The following CEP250 variants were observed in gnomAD, a reference collection of about 807,000 sequenced individuals.
CEP250 encodes centrosomal protein 250, also known as centrosome-associated protein CEP250.
Under a neutral mutation model 315.7 loss-of-function variants are expected in CEP250, and 242 were observed. The observed-to-expected ratio is 0.77, with a 90% CI of 0.69 to 0.85. The LOEUF (loss-of-function observed/expected upper bound fraction) is 0.85. Among genes scored for constraint, CEP250 ranks in the 40% least tolerant of loss-of-function variants. The pLI is 0.00. For synonymous variants in CEP250, 1,088 were observed against 1,175.0 expected, an observed-to-expected ratio of 0.93 and a Z score of 1.51; for missense variants, 2,515 against 2,886.4, an observed-to-expected ratio of 0.87 and a Z score of 2.95.
rs1459747126 is a variant in CEP250 at position 35,516,922 on chromosome 20, C to T, written c.*5296C>T. The T allele has an allele frequency of 1.2e-5, 11 of 952,236 alleles. No homozygotes were observed. Among genetic ancestry groups the T allele is most frequent in the Non-Finnish European group, 1.4e-5 (11 of 799,728 alleles). The allele number at this position is 952,236 out of a possible 1,614,324, so 59.0% of individuals were successfully genotyped here. ...ACCTCTGAGCAGACGGCAGAAACGT[C>T]AGCCACAGGTGAGCATAAGCTCAAA... On this transcript the variant is annotated 3_prime_UTR_variant, in exon 35 of 35. Transcript: ENST00000397527.
intron 2 of CEP250, among the ~76,000 whole-genome samples, chr20:35,459,665 C>T (rs1175751798): frequency 1.3e-5 from 2 of 151,464 alleles, no homozygotes; most frequent in Non-Finnish European, 2.9e-5. Flanking sequence ...ATCTTCAGCT[C>T]CTCTGAAGGG....
At chr20:35,470,109 A>G (rs2062989452) in intron 10 of CEP250, 123 bp downstream of exon 10, 2 of 685,590 alleles carry the variant, frequency 2.9e-6, no homozygotes, top group African/African-American at 3.6e-5. Flanking sequence ...AAGCTAAAAA[A>G]TAAATTTTGG....
Position 35,479,333 on chromosome 20 carries a change from G to A in CEP250, c.2197G>A (p.Ala733Thr), listed in dbSNP as rs376769176. Residue 733 changes from alanine to threonine, a missense_variant, in exon 18 of 35, where the codon GCC becomes ACC. Ala to Thr is a moderately conservative substitution (Grantham distance 58). Transcript: ENST00000397527. ...VLARAVQEKE[A>T]LVREKAALEV... is the part of the protein sequence containing the mutation. ...TGCCAGGGCAGTCCAGGAGAAGGAG[G>A]CCCTAGTACGAGAGAAAGCGGCTCT... The A allele has an allele frequency of 3.7e-6, 6 of 1,614,072 alleles. No homozygotes were observed. The African/African-American group carries it at 6.7e-5, about 18-fold the overall frequency.
At chr20:35,485,822 G>GTT (rs538827494) in intron 20 of CEP250, among the ~76,000 whole-genome samples, 6 of 115,382 alleles carry the variant, frequency 5.2e-5, no homozygotes, top group Non-Finnish European at 1.1e-4. Flanking sequence ...GCCTGGCTAA[G>GTT]TTTTTTTTTT....
intron 18 of CEP250, 71 bp downstream of exon 18, chr20:35,479,495 C>T: frequency 6.4e-7 from 1 of 1,553,706 alleles, no homozygotes; most frequent in Non-Finnish European, 8.7e-7. Flanking sequence ...GCTAAGCTCC[C>T]TGCCATAAGT....
At chr20:35,461,745 T>G (rs1166997286) in intron 3 of CEP250, among the ~76,000 whole-genome samples, 1 of 152,176 alleles carries the variant, frequency 6.6e-6, no homozygotes, top group East Asian at 1.9e-4. Flanking sequence ...GAGAAGGCAT[T>G]GGAAGGTTTC....
intron 23 of CEP250, 100 bp from the exon 24 acceptor site, chr20:35,494,424 C>A: frequency 6.7e-7 from 1 of 1,486,056 alleles, no homozygotes; most frequent in South Asian, 1.3e-5. Context: ...TGGCCACTGA[C>A]TATGGTAAAC....
chr20:35,492,848 C>T (rs224375), intron 22 of CEP250, among the ~76,000 whole-genome samples: 85,561 of 151,970 alleles, frequency 0.56, 29,590 homozygotes, highest in Non-Finnish European at 0.76. Flanking sequence ...GTGCCTCAGC[C>T]TCCCAAGTAG....
intron 28 of CEP250, 126 bp from the exon 29 acceptor site, chr20:35,501,719 T>G: frequency 9.4e-7 from 1 of 1,059,290 alleles, no homozygotes; most frequent in Non-Finnish European, 1.3e-6. Flanking sequence ...GGATATAATT[T>G]TCTCCTTCTT....
intron 30 of CEP250, among the ~76,000 whole-genome samples, chr20:35,506,436 T>G (rs1302604758): frequency 6.6e-6 from 1 of 152,112 alleles, no homozygotes; most frequent in Non-Finnish European, 1.5e-5. Context: ...GTACCCCCGG[T>G]ACTGAGCACA....
In CEP250 at chr20:35,494,506, A is replaced by T; in HGVS notation, c.3034-18A>T. The T allele has an allele frequency of 6.2e-7, 1 of 1,613,234 alleles. No individual in the cohort carries two copies. The highest frequency in any genetic ancestry group is 8.5e-7 in the Non-Finnish European group (1 of 1,179,912). On this transcript the variant is annotated intron_variant, in intron 23 of 34. Transcript: ENST00000397527. Reference sequence around the variant, plus strand: ...CCCCTGCCCTGCCATCTTGGTCTTCATGCCCTTAATTTTCCAGGTGGAGGA... The same window carrying T: ...CCCCTGCCCTGCCATCTTGGTCTTCTTGCCCTTAATTTTCCAGGTGGAGGA...
In CEP250 at chr20:35,459,016, C is replaced by T. The variant is rs527488789; in HGVS notation, c.-227+642C>T. Among the ~76,000 whole-genome samples, 34 of 117,016 alleles carry T rather than the reference C, an allele frequency of 2.9e-4. 1 individual carries two copies. The highest frequency in any genetic ancestry group is 1.1e-3 in the African/African-American group (31 of 27,658). The allele number at this position is 117,016 out of a possible 152,430, so 76.8% of individuals were successfully genotyped here. On this transcript the variant is annotated intron_variant, in intron 2 of 34. Coordinates refer to ENST00000397527, the MANE Select transcript of CEP250 (RefSeq NM_007186.6). The stretch of plus-strand genomic sequence containing the variant: ...TTTTGAGATGGAGCCTTGCTCTTGT[C>T]GCCCAGGCTGGACAGTGTTGGCCAG...
At chr20:35,508,286 A>G in intron 32 of CEP250, 96 bp downstream of exon 32, 1 of 1,301,328 alleles carries the variant, frequency 7.7e-7, no homozygotes, top group South Asian at 1.3e-5. Context: ...GGCCAAATCC[A>G]GCCTGCTGCC....
Position 35,496,701 on chromosome 20 carries a change from G to A in CEP250, c.3292G>A (p.Glu1098Lys), listed in dbSNP as rs917053719. The change falls in exon 25 of 35, where the codon GAG (glutamate) becomes AAG (lysine). Residue 1098 changes from glutamate (E) to lysine (K), a missense_variant. Physicochemically the swap from Glu to Lys is moderately conservative, Grantham distance 56. Coordinates refer to ENST00000397527, the MANE Select transcript of CEP250 (RefSeq NM_007186.6). Reference protein sequence around the residue: ...DMQEAQGEQKELSAQMELLRQ... With the variant: ...DMQEAQGEQKKLSAQMELLRQ... ...GCAGGAGGCCCAGGGAGAACAGAAAGAGCTCAGTGCTCAGGTACTTCCCAC... is the reference window on the plus strand; with the variant it reads ...GCAGGAGGCCCAGGGAGAACAGAAAAAGCTCAGTGCTCAGGTACTTCCCAC... 3 of 1,613,896 alleles carry A rather than the reference G, an allele frequency of 1.9e-6. No homozygotes were observed. The East Asian group carries it at 6.7e-5, about 36-fold the overall frequency.
intron 20 of CEP250, among the ~76,000 whole-genome samples, chr20:35,486,984 G>A (rs2063530697): frequency 6.6e-6 from 1 of 152,170 alleles, no homozygotes; most frequent in Non-Finnish European, 1.5e-5. Flanking sequence ...GACTATAGTG[G>A]CCATATCTGG....
chr20:35,494,395 A>G (rs1326450652), intron 23 of CEP250, 129 bp from the exon 24 acceptor site: 1 of 1,221,414 alleles, frequency 8.2e-7, no homozygotes, highest in Admixed American at 2.1e-5. Context: ...AATTGGTAGA[A>G]TCGCCAGAGC....
At chr20:35,491,097 C>A in intron 21 of CEP250, 115 bp from the exon 22 acceptor site, 2 of 1,303,484 alleles carry the variant, frequency 1.5e-6, no homozygotes, top group Non-Finnish European at 2.1e-6. Context: ...CCTTTGCCCT[C>A]AGCCCCTTCC....
At chr20:35,501,551 C>G (rs2064003210) in intron 28 of CEP250, among the ~76,000 whole-genome samples, 1 of 152,102 alleles carries the variant, frequency 6.6e-6, no homozygotes, top group African/African-American at 2.4e-5. Context: ...TCAACCCTGT[C>G]TGGAATTGAG....
At chr20:35,499,191 C>T (rs1251219431) in intron 27 of CEP250, among the ~76,000 whole-genome samples, 1 of 152,220 alleles carries the variant, frequency 6.6e-6, no homozygotes, top group Non-Finnish European at 1.5e-5. Context: ...AGGAGAATCA[C>T]TTGAACCTGG....
Sources: gnomAD v4.1 joint callset for allele counts (sites outside exome capture counted in the v4.1 genomes callset) on GRCh38, gnomAD v4.1.1 for gene constraint, MANE v1.5 for transcripts, NCBI Gene and HGNC (gene_info 2026-07-23, HGNC 2026-07-21) for gene names.